The following CCDC7 variants were observed in gnomAD, a reference collection of about 807,000 sequenced individuals.
The protein encoded by CCDC7 is coiled-coil domain containing 7, also known as coiled-coil domain-containing protein 7.
Under a neutral mutation model 196.9 loss-of-function variants are expected in CCDC7, and 183 were observed. The observed-to-expected ratio is 0.93, with a 90% confidence interval of 0.82 to 1.05. The LOEUF is 1.05. Among genes scored for constraint, CCDC7 ranks in the 50% least tolerant of loss-of-function variants. The pLI, the probability that CCDC7 is intolerant of heterozygous loss-of-function variation, is 0.00. For missense variants in CCDC7, 1,540 were observed against 1,482.2 expected (o/e 1.04, Z -0.64); for synonymous variants, 525 against 484.6 (o/e 1.08, Z -1.10).
Position 32,805,992 on chromosome 10 carries a change from G to T in CCDC7, c.3097+894G>T, listed in dbSNP as rs1479529896. On this transcript the variant is annotated intron_variant, in intron 30 of 41. Transcript: ENST00000639629. ...ACAAGAGCAGGAGCAAGAGAAAGAA[G>T]GGGGAAGGTGCTACATACTTTTGAA... Among the ~76,000 whole-genome samples, 5 of 152,274 alleles carry T rather than the reference G, an allele frequency of 3.3e-5. No homozygotes were observed. The East Asian group carries it at 9.7e-4, about 29-fold the overall frequency.
At chr10:32,679,643 G>T (rs1407584248) in intron 21 of CCDC7, among the ~76,000 whole-genome samples, 1 of 152,088 alleles carries the variant, frequency 6.6e-6, no homozygotes, top group Non-Finnish European at 1.5e-5. Context: ...ATTACACTTG[G>T]GTACTAGGTA....
intron 8 of CCDC7, 69 bp from the exon 10 acceptor site, chr10:32,491,853 T>C (rs2042205306): frequency 7.1e-7 from 1 of 1,411,896 alleles, no homozygotes; most frequent in Non-Finnish European, 9.4e-7. Context: ...ATAGCAGTTA[T>C]ATTTAGCATA....
chr10:32,711,695 A>G, exon 25 of CCDC7: 1 of 1,591,128 alleles, frequency 6.3e-7, no homozygotes, highest in South Asian at 1.2e-5. Flanking sequence ...GTGCAATTAG[A>G]GATTCAAGAA....
chr10:32,465,275 G>C (rs181817395), intron 5 of CCDC7, among the ~76,000 whole-genome samples: 1 of 152,242 alleles, frequency 6.6e-6, no homozygotes. Flanking sequence ...TGGAGCATGT[G>C]TCACCCATTC....
chr10:32,796,231 G>C (rs757841430), intron 29 of CCDC7, among the ~76,000 whole-genome samples: 1 of 151,998 alleles, frequency 6.6e-6, no homozygotes, highest in Non-Finnish European at 1.5e-5. Context: ...GATATTGCTG[G>C]TCATAATATT....
intron 28 of CCDC7, among the ~76,000 whole-genome samples, chr10:32,745,920 A>T (rs2074640251): frequency 6.6e-6 from 1 of 152,096 alleles, no homozygotes; most frequent in South Asian, 2.1e-4. Context: ...TATAGATTTT[A>T]TATGTATTTT....
intron 15 of CCDC7, among the ~76,000 whole-genome samples, chr10:32,571,573 A>C (rs976737957): frequency 7.9e-5 from 12 of 152,152 alleles, no homozygotes; most frequent in Non-Finnish European, 1.8e-4. Flanking sequence ...CTGTTGCTCT[A>C]ATAAACATGC....
intron 5 of CCDC7, among the ~76,000 whole-genome samples, chr10:32,467,494 G>T (rs1439665513): frequency 6.6e-6 from 1 of 152,122 alleles, no homozygotes; most frequent in Non-Finnish European, 1.5e-5. Flanking sequence ...TTAGACCTTT[G>T]TCAGGTGAAT....
intron 28 of CCDC7, among the ~76,000 whole-genome samples, chr10:32,741,785 G>T (rs1286674729): frequency 2.0e-5 from 3 of 152,056 alleles, no homozygotes; most frequent in African/African-American, 4.8e-5. Context: ...TTCTCCCATT[G>T]TGAGTGTGAA....
intron 28 of CCDC7, among the ~76,000 whole-genome samples, chr10:32,777,732 C>G (rs2080323071): frequency 6.6e-6 from 1 of 151,994 alleles, no homozygotes; most frequent in African/African-American, 2.4e-5. Flanking sequence ...GGTATGGTGG[C>G]ATGCGCCTGT....
chr10:32,759,729 G>C (rs368969006), intron 28 of CCDC7, among the ~76,000 whole-genome samples: 24 of 152,064 alleles, frequency 1.6e-4, no homozygotes, highest in Admixed American at 7.9e-4. Flanking sequence ...GCAACAAAAG[G>C]CAAAATTGAC....
intron 3 of CCDC7, among the ~76,000 whole-genome samples, chr10:32,458,660 A>G (rs2034921862): frequency 6.6e-6 from 1 of 151,894 alleles, no homozygotes; most frequent in South Asian, 2.1e-4. Context: ...ACTTTGTAGT[A>G]TATTTTGAAG....
upstream of CCDC7, among the ~76,000 whole-genome samples, chr10:32,449,488 T>C (rs1564600959): frequency 6.6e-6 from 1 of 152,122 alleles, no homozygotes; most frequent in Non-Finnish European, 1.5e-5. Context: ...GCCTGGCCTA[T>C]TTTTTATTTT....
intron 29 of CCDC7, among the ~76,000 whole-genome samples, chr10:32,797,470 G>T (rs1021700475): frequency 1.3e-5 from 2 of 151,942 alleles, no homozygotes; most frequent in East Asian, 1.9e-4. Context: ...CTACGAGGAT[G>T]CAAAGGCATA....
intron 28 of CCDC7, among the ~76,000 whole-genome samples, chr10:32,757,357 G>C (rs1170364741): frequency 6.6e-6 from 1 of 152,124 alleles, no homozygotes; most frequent in Non-Finnish European, 1.5e-5. Flanking sequence ...TGGAAGCAAA[G>C]CACTCCTCAG....
At chr10:32,492,126 A>G in intron 9 of CCDC7, 129 bp downstream of exon 10, 1 of 903,504 alleles carries the variant, frequency 1.1e-6, no homozygotes, top group African/African-American at 1.8e-5. Flanking sequence ...AAATATTGAA[A>G]ACATAAAGAA....
intron 32 of CCDC7, among the ~76,000 whole-genome samples, chr10:32,827,700 G>A (rs1593195550): frequency 1.3e-5 from 2 of 152,100 alleles, no homozygotes; most frequent in South Asian, 2.1e-4. Flanking sequence ...GGTAAATGAC[G>A]AGTTAATGGG....
chr10:32,837,326 G>A (rs1331383469), intron 33 of CCDC7, among the ~76,000 whole-genome samples: 1 of 152,116 alleles, frequency 6.6e-6, no homozygotes, highest in Admixed American at 6.6e-5. Flanking sequence ...ATGAAAAAAT[G>A]CTCATCATCA....
rs1554813020 is a variant in CCDC7 at position 32,511,266 on chromosome 10, G to GGGA, written c.873-6677_873-6676insAGG. 13 of 555,496 alleles carry GGGA rather than the reference G, an allele frequency of 2.3e-5. 1 individual carries two copies. Among genetic ancestry groups the GGGA allele is most frequent in the Non-Finnish European group, 3.7e-5 (12 of 326,768 alleles). The allele number at this position is 555,496 out of a possible 1,614,324, so 34.4% of individuals were successfully genotyped here. A position where few individuals can be genotyped will look rare whatever the true frequency, so the allele number is the denominator to read the frequency against. ...CAGAATTATTCTGTGGGGGGCGGGG[G>GGGA]GGGCGGGGAAATGTACTTTTTGAAT... On this transcript the variant is annotated intron_variant, in intron 9 of 41. Transcript: ENST00000639629.
Sources: allele counts gnomAD v4.1 joint callset (sites outside exome capture counted in the v4.1 genomes callset), GRCh38; gene constraint gnomAD v4.1.1; transcripts MANE v1.5; gene names NCBI Gene and HGNC (gene_info 2026-07-23, HGNC 2026-07-21).